The following SUZ12 variants were observed in gnomAD, a reference collection of about 807,000 sequenced individuals.
The protein encoded by SUZ12 is SUZ12 polycomb repressive complex 2 subunit, also known as polycomb protein SUZ12.
In SUZ12, 17 loss-of-function variants were observed where a neutral mutation model predicts 87.3. The observed-to-expected ratio is 0.19, with a 90% CI of 0.13 to 0.29. SUZ12 has a LOEUF of 0.29. SUZ12 is among the 10% of genes least tolerant of loss of function. The probability of loss-of-function intolerance (pLI) is 1.00; values close to 1 mark genes in which losing one functional copy is unlikely to be tolerated. For missense variants in SUZ12, 526 were observed against 912.2 expected, an observed-to-expected ratio of 0.58 and a Z score of 5.45; for synonymous variants, 253 against 312.4, an observed-to-expected ratio of 0.81 and a Z score of 2.01.
intron 10 of SUZ12, among the ~76,000 whole-genome samples, chr17:31,992,812 A>G (rs972046609): frequency 2.0e-5 from 3 of 150,002 alleles, no homozygotes; most frequent in Admixed American, 1.3e-4. Context: ...GGTTCAAGCA[A>G]TTCTGCTTCC....
At position 31,990,418 on chromosome 17, in the gene SUZ12, C is replaced by T. The variant is rs1255009074; in HGVS notation, c.1201+1921C>T. Among the ~76,000 whole-genome samples the T allele has an allele frequency of 3.3e-5, 5 of 151,676 alleles. No homozygotes were observed. In the East Asian group the frequency reaches 9.7e-4, roughly 30 times the overall value. On this transcript the variant is annotated intron_variant, in intron 10 of 15. Transcript: ENST00000322652. Reference sequence around the variant, plus strand: ...GAGCCACCGCGCCCAGGCTGCAGTGCGGTGACGTGATCTCGGCTCAGCACA... The same window carrying T: ...GAGCCACCGCGCCCAGGCTGCAGTGTGGTGACGTGATCTCGGCTCAGCACA...
intron 4 of SUZ12, among the ~76,000 whole-genome samples, chr17:31,950,410 C>T (rs1408230199): frequency 2.6e-5 from 4 of 152,156 alleles, no homozygotes; most frequent in Non-Finnish European, 5.9e-5. Context: ...ACAGGCCGGG[C>T]ATAGTGGCTC....
chr17:31,994,803 C>T lies in SUZ12; in HGVS notation c.1595+82C>T, dbSNP rs975323805. 2.7e-6 allele frequency: 4 copies of T among 1,462,628 alleles called. No homozygotes were observed. The African/African-American group carries it at 4.2e-5, about 16-fold the overall frequency. 90.6% of individuals were successfully genotyped at this position (1,462,628 alleles called of 1,614,324 possible). On this transcript the variant is annotated intron_variant, in intron 13 of 15. Transcript: ENST00000322652. Reference sequence around the variant, plus strand: ...GGAACAAAGGAGCCAGATGAAGCTACTAGTTCGTTAGGTGGAAATTATTAT... The same window carrying T: ...GGAACAAAGGAGCCAGATGAAGCTATTAGTTCGTTAGGTGGAAATTATTAT...
At chr17:31,993,110 A>AT in intron 10 of SUZ12, 132 bp from the exon 11 acceptor site, 1 of 580,294 alleles carries the variant, frequency 1.7e-6, no homozygotes, top group South Asian at 2.6e-5. Flanking sequence ...GTTGAGGGAG[A>AT]TAACAGAAAT....
At chr17:31,989,862 G>C (rs890533961) in intron 10 of SUZ12, among the ~76,000 whole-genome samples, 1 of 151,608 alleles carries the variant, frequency 6.6e-6, no homozygotes, top group African/African-American at 2.4e-5. Context: ...GCCCGCCTTG[G>C]CCTCCCAAAG....
At chr17:31,972,772 T>C (rs975909791) in intron 5 of SUZ12, among the ~76,000 whole-genome samples, 13 of 149,882 alleles carry the variant, frequency 8.7e-5, no homozygotes, top group African/African-American at 3.2e-4. Context: ...TAATCCCAGG[T>C]ACTCAGGAGG....
chr17:31,998,078 A>ATTTT lies in SUZ12; in HGVS notation c.1875-564_1875-561dup, dbSNP rs532761317. Among the ~76,000 whole-genome samples the ATTTT allele has an allele frequency of 3.4e-4, 46 of 136,550 alleles. 2 individuals carry two copies. Among genetic ancestry groups the ATTTT allele is most frequent in the African/African-American group, 1.2e-3 (44 of 36,020 alleles). The allele number at this position is 136,550 out of a possible 152,430, so 89.6% of individuals were successfully genotyped here. On this transcript the variant is annotated intron_variant, in intron 15 of 15. Transcript: ENST00000322652. The stretch of plus-strand genomic sequence containing the variant: ...CACAGTGAAACCTTGTCTCTACTAA[A>ATTTT]TTTTTTTTTTTTTTTTTTTGAGACG...
At position 32,000,096 on chromosome 17, in the gene SUZ12, C is replaced by T. The variant is rs191480323; in HGVS notation, c.*1093C>T. On this transcript the variant is annotated 3_prime_UTR_variant, in exon 16 of 16. Coordinates refer to ENST00000322652, the MANE Select transcript of SUZ12 (RefSeq NM_015355.4). ...TTTTCTCCAACAGAAAGTGGATTCA[C>T]TACTGGCACATTAACAAGCACCAAT... 129 of 233,240 alleles carry T rather than the reference C, an allele frequency of 5.5e-4. No homozygotes were observed. The highest frequency in any genetic ancestry group is 2.6e-3 in the Middle Eastern group (2 of 782). 14.4% of individuals were successfully genotyped at this position (233,240 alleles called of 1,614,324 possible). A position where few individuals can be genotyped will look rare whatever the true frequency, so the allele number is the denominator to read the frequency against.
intron 4 of SUZ12, among the ~76,000 whole-genome samples, chr17:31,961,470 C>G (rs1907707959): frequency 6.6e-6 from 1 of 151,956 alleles, no homozygotes; most frequent in African/African-American, 2.4e-5. Flanking sequence ...CACTTGAACC[C>G]AGGTGGGAGG....
intron 4 of SUZ12, among the ~76,000 whole-genome samples, chr17:31,958,910 C>T (rs1237451129): frequency 2.0e-5 from 3 of 152,022 alleles, no homozygotes; most frequent in Admixed American, 1.3e-4. Context: ...TTCATCTACT[C>T]GGGAGGCTGA....
chr17:31,972,610 T>C (rs2428338), intron 5 of SUZ12, among the ~76,000 whole-genome samples: 27,687 of 152,020 alleles, frequency 0.18, 3,105 homozygotes, highest in African/African-American at 0.31. Context: ...GAGACGAGGT[T>C]TCTGTGTTGC....
At chr17:31,958,841 T>C (rs928458105) in intron 4 of SUZ12, among the ~76,000 whole-genome samples, 1 of 151,142 alleles carries the variant, frequency 6.6e-6, no homozygotes, top group Admixed American at 6.6e-5. Flanking sequence ...TGAAACTCTG[T>C]CTCAAAAATA....
Position 31,989,016 on chromosome 17 carries a change from C to T in SUZ12, c.1201+519C>T, listed in dbSNP as rs568299206. Among the ~76,000 whole-genome samples, 19 of 151,532 alleles carry T rather than the reference C, an allele frequency of 1.3e-4. No individual in the cohort carries two copies. In the South Asian group the frequency reaches 2.3e-3, roughly 18 times the overall value. ...GAACCCAGAAGGTGGAGGTTGCAGC[C>T]GAGATTGCACCACTGCACTCCAGCC... On this transcript the variant is annotated intron_variant, in intron 10 of 15. Coordinates refer to ENST00000322652, the MANE Select transcript of SUZ12 (RefSeq NM_015355.4).
chr17:31,952,482 C>G (rs959167754), intron 4 of SUZ12, among the ~76,000 whole-genome samples: 1 of 152,152 alleles, frequency 6.6e-6, no homozygotes, highest in Non-Finnish European at 1.5e-5. Flanking sequence ...TAGAATAAAT[C>G]TCTTGCCTTT....
rs747276612 is a variant in SUZ12 at position 31,995,801 on chromosome 17, A to T, written c.1794+39A>T. 13 of 1,478,784 alleles carry T rather than the reference A, an allele frequency of 8.8e-6. No individual in the cohort carries two copies. The South Asian group carries it at 1.6e-4, about 18-fold the overall frequency. The allele number at this position is 1,478,784 out of a possible 1,614,324, so 91.6% of individuals were successfully genotyped here. A position where few individuals can be genotyped will look rare whatever the true frequency, so the allele number is the denominator to read the frequency against. On this transcript the variant is annotated intron_variant, in intron 14 of 15. Coordinates refer to ENST00000322652, the MANE Select transcript of SUZ12 (RefSeq NM_015355.4). ...TCTTTATTGGCAATTATCTTGGAATATTATTTTGTTTTGAAAATTGCTTAC... is the reference window on the plus strand; with the variant it reads ...TCTTTATTGGCAATTATCTTGGAATTTTATTTTGTTTTGAAAATTGCTTAC...
rs190691876 is a variant in SUZ12, at chr17:31,986,153, G to A, written c.1024-2167G>A. On this transcript the variant is annotated intron_variant, in intron 9 of 15. Transcript: ENST00000322652. ...CTGGGGGTTTCACCATGTTGTCTTG[G>A]CTGGTCTCAAACTCCTGACCTAAGG... Among the ~76,000 whole-genome samples the A allele has an allele frequency of 2.8e-3, 426 of 152,172 alleles. 1 individual carries two copies. Among genetic ancestry groups the A allele is most frequent in the African/African-American group, 9.9e-3 (412 of 41,494 alleles).
chr17:31,996,718 C>T (rs1909997283), intron 14 of SUZ12, 80 bp from the exon 15 acceptor site: 6 of 996,276 alleles, frequency 6.0e-6, no homozygotes, highest in Non-Finnish European at 7.2e-6. Flanking sequence ...TTTTTAGTTC[C>T]AAAACATTCT....
chr17:31,971,808 G>T (rs1186855343), intron 5 of SUZ12, among the ~76,000 whole-genome samples: 1 of 152,084 alleles, frequency 6.6e-6, no homozygotes, highest in African/African-American at 2.4e-5. Context: ...GACTAGCAGT[G>T]TATTATCATA....
chr17:31,937,307 G>C lies in SUZ12; in HGVS notation c.61G>C (p.Gly21Arg). 1.4e-6 allele frequency: 2 copies of C among 1,433,180 alleles called. No homozygotes were observed. The allele number at this position is 1,433,180 out of a possible 1,614,324, so 88.8% of individuals were successfully genotyped here. ...GGGSGPSAGS[G>R]GGGFGGSAAV... ...CGGCTCGGGGCCCAGCGCGGGGTCCGGGGGAGGCGGCTTCGGGGGTTCGGC... is the reference window on the plus strand; with the variant it reads ...CGGCTCGGGGCCCAGCGCGGGGTCCCGGGGAGGCGGCTTCGGGGGTTCGGC... The change falls in exon 1 of 16, where the codon GGG becomes CGG. Residue 21 changes from glycine (G) to arginine (R), a missense_variant. Transcript: ENST00000322652.
Sources: gnomAD v4.1 joint callset for allele counts (sites outside exome capture counted in the v4.1 genomes callset) on GRCh38, gnomAD v4.1.1 for gene constraint, MANE v1.5 for transcripts, NCBI Gene and HGNC (gene_info 2026-07-23, HGNC 2026-07-21) for gene names.